The following BRCA1 variants were observed in gnomAD, a reference collection of about 807,000 sequenced individuals.
The protein encoded by BRCA1 is BRCA1 DNA repair associated, also known as breast cancer type 1 susceptibility protein.
BRCA1 carries 140 observed loss-of-function variants against 173.7 expected under a neutral mutation model. That is an observed-to-expected ratio of 0.81 (90% CI 0.70 to 0.93). The LOEUF is 0.93. BRCA1 is among the 40% of genes least tolerant of loss of function. BRCA1 has a pLI of 0.00. For missense variants in BRCA1, 1,983 were observed against 2,172.5 expected, an observed-to-expected ratio of 0.91 and a Z score of 1.73; for synonymous variants, 662 against 756.0, an observed-to-expected ratio of 0.88 and a Z score of 2.04.
chr17:43,120,488 G>A (rs1284378549), intron 2 of BRCA1, among the ~76,000 whole-genome samples: 2 of 152,100 alleles, frequency 1.3e-5, no homozygotes, highest in African/African-American at 2.4e-5. Context: ...TCTTAAGGCC[G>A]GGCGCGGTGG....
rs1393968728 is a variant in BRCA1, at chr17:43,076,433, T to G, written c.4484+55A>C. On this transcript the variant is annotated intron_variant, in intron 13 of 22. Transcript: ENST00000357654. ...GGTGAAAAAAATTAACAATCAGAGT[T>G]CAATATAAATAAAGATGTCAGATAC... The G allele has an allele frequency of 1.9e-6, 3 of 1,600,824 alleles. No individual in the cohort carries two copies. The Admixed American group carries it at 5.0e-5, about 27-fold the overall frequency.
intron 3 of BRCA1, among the ~76,000 whole-genome samples, chr17:43,115,426 C>T (rs1268715056): frequency 6.6e-6 from 1 of 151,070 alleles, no homozygotes; most frequent in African/African-American, 2.4e-5. Flanking sequence ...CGCTTGAACT[C>T]GGGGGGCGGA....
chr17:43,140,603 C>T (rs2056068650), intron 1 of BRCA1, among the ~76,000 whole-genome samples: 2 of 152,228 alleles, frequency 1.3e-5, no homozygotes, highest in African/African-American at 4.8e-5. Context: ...TTCCACTTCC[C>T]TTCTTCTAAG....
intron 1 of BRCA1, among the ~76,000 whole-genome samples, chr17:43,139,503 C>G (rs1470358766): frequency 1.3e-5 from 2 of 152,008 alleles, no homozygotes; most frequent in Non-Finnish European, 2.9e-5. Context: ...ACTGCAGGTG[C>G]CTGCCACCAC....
intron 1 of BRCA1, among the ~76,000 whole-genome samples, chr17:43,133,797 G>A (rs1258444439): frequency 3.9e-5 from 6 of 152,030 alleles, no homozygotes; most frequent in Non-Finnish European, 7.4e-5. Flanking sequence ...ACCACACCCA[G>A]CTAATTTTTG....
In BRCA1 at chr17:43,092,828, A is replaced by G. The variant is rs2154363694; in HGVS notation, c.2703T>C (p.Phe901=). ...GATTTTCTTCCTTTTGTTCACATTC[A>G]AAAGTGACTTTTGGACTTTGTTTCT... ...SLKKQSPKVT[F]ECEQKEENQG... Residue 901 remains phenylalanine, a synonymous_variant, in exon 10 of 23, where the codon TTT becomes TTC. Coordinates refer to ENST00000357654, the MANE Select transcript of BRCA1 (RefSeq NM_007294.4). The G allele has an allele frequency of 6.2e-7, 1 of 1,614,032 alleles. No homozygotes were observed. The highest frequency in any genetic ancestry group is 8.5e-7 in the Non-Finnish European group (1 of 1,179,964).
chr17:43,076,147 C>T (rs1465570776), intron 13 of BRCA1, among the ~76,000 whole-genome samples: 1 of 151,866 alleles, frequency 6.6e-6, no homozygotes, highest in Non-Finnish European at 1.5e-5. Flanking sequence ...AACAGCTAGA[C>T]TTTTTCTAGA....
At chr17:43,074,194 A>G in intron 14 of BRCA1, 137 bp downstream of exon 14, 1 of 760,536 alleles carries the variant, frequency 1.3e-6, no homozygotes, top group Non-Finnish European at 2.1e-6. Flanking sequence ...CTATTTTTCT[A>G]AAGTGGGCTT....
intron 9 of BRCA1, among the ~76,000 whole-genome samples, chr17:43,095,335 A>G (rs1333970306): frequency 6.6e-6 from 1 of 152,226 alleles, no homozygotes; most frequent in Non-Finnish European, 1.5e-5. Flanking sequence ...TAACTGCAGC[A>G]CTTTGGGAGG....
intron 15 of BRCA1, among the ~76,000 whole-genome samples, chr17:43,070,581 C>T (rs1200434677): frequency 1.3e-5 from 2 of 152,160 alleles, no homozygotes; most frequent in Non-Finnish European, 2.9e-5. Context: ...CCATGTGAGA[C>T]AAGGGGGAGA....
At position 43,091,976 on chromosome 17, in the gene BRCA1, C is replaced by T. The variant is rs587779368; in HGVS notation, c.3555G>A (p.Glu1185=). ...TGAAAGGGCTAGGACTCCTGCTAAG[C>T]TCTCCTTTCTGGACGCTTTTGCTAA... ...AVFSKSVQKG[E]LSRSPSPFTH... is the part of the protein sequence containing the mutation. Residue 1185 remains glutamate (E), a synonymous_variant, in exon 10 of 23, where the codon GAG becomes GAA. Transcript: ENST00000357654. The T allele has an allele frequency of 1.2e-6, 2 of 1,614,150 alleles. No homozygotes were observed. Among genetic ancestry groups the T allele is most frequent in the East Asian group, 2.2e-5 (1 of 44,874 alleles).
intron 3 of BRCA1, among the ~76,000 whole-genome samples, chr17:43,111,603 C>T (rs900692231): frequency 7.3e-5 from 11 of 151,320 alleles, no homozygotes; most frequent in Non-Finnish European, 1.0e-4. Context: ...GGGCAGATCA[C>T]GAGGTCAGGA....
Position 43,076,610 on chromosome 17 carries a change from T to C in BRCA1, c.4362A>G (p.Val1454=), listed in dbSNP as rs1467083210. 1.9e-6 allele frequency: 3 copies of C among 1,613,424 alleles called. No individual in the cohort carries two copies. The highest frequency in any genetic ancestry group is 2.5e-6 in the Non-Finnish European group (3 of 1,179,690). ...NPEQSTSEKA[V]LTSQKSSEYP... The stretch of plus-strand genomic sequence containing the variant: ...ATTCACTACTTTTCTGTGAAGTTAA[T>C]ACTGCTTTAAATGGAATGAGAAAAC... Residue 1454 remains valine (V), a synonymous_variant, in exon 13 of 23, where the codon GTA becomes GTG. Transcript: ENST00000357654.
chr17:43,099,653 T>C, intron 7 of BRCA1, 122 bp downstream of exon 7: 1 of 796,902 alleles, frequency 1.3e-6, no homozygotes, highest in Non-Finnish European at 2.2e-6. Context: ...ATAGGGCTCA[T>C]AAAATTCACT....
In BRCA1 at chr17:43,094,720, C is replaced by T. The variant is rs80357244; in HGVS notation, c.811G>A (p.Val271Met). The T allele has an allele frequency of 5.5e-5, 88 of 1,611,680 alleles. No homozygotes were observed. In the East Asian group the frequency reaches 2.0e-3, roughly 36 times the overall value. The change falls in exon 10 of 23, where the codon GTG becomes ATG. Residue 271 changes from valine to methionine, a missense_variant. Val to Met is a conservative substitution (Grantham distance 21). Transcript: ENST00000357654. Reference sequence around the variant, plus strand: ...TGAGTATTTGTGCCACATGGCTCCACATGCAAGTTTGAAACAGAACTACCC... The same window carrying T: ...TGAGTATTTGTGCCACATGGCTCCATATGCAAGTTTGAAACAGAACTACCC... ...YQGSSVSNLHVEPCGTNTHAS... is the reference protein window; with the variant it reads ...YQGSSVSNLHMEPCGTNTHAS...
chr17:43,050,117 C>T, intron 20 of BRCA1: 1 of 398,582 alleles, frequency 2.5e-6, no homozygotes, highest in Non-Finnish European at 4.4e-6. Context: ...ATGCTAAGGC[C>T]TTTCTCTAAG....
chr17:43,120,892 C>T (rs973721925), intron 2 of BRCA1, among the ~76,000 whole-genome samples: 5 of 151,568 alleles, frequency 3.3e-5, no homozygotes, highest in African/African-American at 9.7e-5. Context: ...TGATGAAACC[C>T]TATCTCTACT....
At chr17:43,108,435 G>C (rs1057012738) in intron 3 of BRCA1, among the ~76,000 whole-genome samples, 1 of 151,686 alleles carries the variant, frequency 6.6e-6, no homozygotes, top group African/African-American at 2.4e-5. Context: ...TCTTGGCCGG[G>C]TGCAGTGGCT....
At chr17:43,118,898 G>A (rs1341765983) in intron 2 of BRCA1, among the ~76,000 whole-genome samples, 2 of 151,942 alleles carry the variant, frequency 1.3e-5, no homozygotes, top group Non-Finnish European at 2.9e-5. Flanking sequence ...CAAGTAGCTG[G>A]GACTACAGGC....
Sources: gnomAD v4.1 joint callset for allele counts (sites outside exome capture counted in the v4.1 genomes callset) on GRCh38, gnomAD v4.1.1 for gene constraint, MANE v1.5 for transcripts, NCBI Gene and HGNC (gene_info 2026-07-23, HGNC 2026-07-21) for gene names.